The following SGCD variants were observed in gnomAD, a reference collection of about 807,000 sequenced individuals.
The protein encoded by SGCD is delta-sarcoglycan.
A neutral mutation model predicts 36.6 loss-of-function variants in SGCD; 18 were observed. That is an observed-to-expected ratio of 0.49 (90% CI 0.34 to 0.73). The LOEUF (loss-of-function observed/expected upper bound fraction) is 0.73. Among genes scored for constraint, SGCD ranks in the 30% least tolerant of loss-of-function variants. The pLI, the probability that SGCD is intolerant of heterozygous loss-of-function variation, is 0.01. For synonymous variants in SGCD, 133 were observed against 130.6 expected (o/e 1.02, Z -0.12); for missense variants, 387 against 346.7 (o/e 1.12, Z -0.92).
intron 4 of SGCD, among the ~76,000 whole-genome samples, chr5:156,527,422 T>C (rs1407138718): frequency 6.6e-6 from 1 of 152,194 alleles, no homozygotes; most frequent in East Asian, 1.9e-4. Flanking sequence ...GACAGTGTGT[T>C]GGATGTAACC....
chr5:156,342,575 C>A (rs1032113883), intron 2 of SGCD, among the ~76,000 whole-genome samples: 2 of 152,134 alleles, frequency 1.3e-5, no homozygotes, highest in African/African-American at 4.8e-5. Flanking sequence ...TTTATTTGAT[C>A]TTCATGTTTA....
At chr5:156,720,654 G>A (rs990743462) in intron 7 of SGCD, among the ~76,000 whole-genome samples, 2 of 152,212 alleles carry the variant, frequency 1.3e-5, no homozygotes, top group African/African-American at 4.8e-5. Flanking sequence ...TGAAATCAGG[G>A]TCATGAAGAA....
chr5:156,672,896 C>A (rs909723330), intron 7 of SGCD, among the ~76,000 whole-genome samples: 11 of 152,176 alleles, frequency 7.2e-5, no homozygotes, highest in African/African-American at 1.2e-4. Context: ...CTCGTCTCTA[C>A]ATTTTTCTAG....
At chr5:156,726,575 T>C (rs2113794616) in intron 7 of SGCD, among the ~76,000 whole-genome samples, 1 of 152,294 alleles carries the variant, frequency 6.6e-6, no homozygotes, top group South Asian at 2.1e-4. Flanking sequence ...TCTAATGGCC[T>C]ATTCACCCCT....
intron 1 of SGCD, among the ~76,000 whole-genome samples, chr5:156,088,688 A>G (rs889733627): frequency 3.3e-5 from 5 of 152,078 alleles, no homozygotes; most frequent in Non-Finnish European, 7.4e-5. Context: ...TATTATTATT[A>G]TCATTATTAT....
chr5:156,488,107 T>A (rs1013596018), intron 3 of SGCD, among the ~76,000 whole-genome samples: 7 of 140,782 alleles, frequency 5.0e-5, no homozygotes, highest in African/African-American at 1.9e-4. Context: ...GGTTTTTTTT[T>A]TTTTTTTTTT....
rs113614934 is a variant in SGCD at position 155,894,854 on chromosome 5, A to G, written c.-282+24430A>G. On this transcript the variant is annotated intron_variant, in intron 1 of 9. Transcript: ENST00000517913. Reference sequence around the variant, plus strand: ...TATAATTATTTCATTATATATTACAATGTAATAAATCATAGAAATAAAGTA... The same window carrying G: ...TATAATTATTTCATTATATATTACAGTGTAATAAATCATAGAAATAAAGTA... 1.2e-3 allele frequency among the ~76,000 whole-genome samples: 187 copies of G among 152,264 alleles called. 2 individuals are homozygous for G. The highest frequency in any genetic ancestry group is 4.3e-3 in the African/African-American group (179 of 41,554).
At chr5:156,140,512 T>A (rs1762554897) in intron 3 of SGCD, among the ~76,000 whole-genome samples, 2 of 152,212 alleles carry the variant, frequency 1.3e-5, no homozygotes, top group African/African-American at 4.8e-5. Context: ...GGCAAAGAAC[T>A]GGCCGAGATG....
At chr5:156,077,393 T>C (rs188198698) in intron 1 of SGCD, among the ~76,000 whole-genome samples, 129 of 152,226 alleles carry the variant, frequency 8.5e-4, no homozygotes, top group African/African-American at 3.0e-3. Flanking sequence ...GGAAGGACGA[T>C]TGAGCAACAA....
At chr5:156,537,429 C>A (rs1417977279) in intron 4 of SGCD, among the ~76,000 whole-genome samples, 1 of 147,152 alleles carries the variant, frequency 6.8e-6, no homozygotes, top group Non-Finnish European at 1.5e-5. Flanking sequence ...GAAGCCTGTT[C>A]TCACTGGGCT....
At chr5:156,307,805 C>T (rs1042270027) in intron 3 of SGCD, among the ~76,000 whole-genome samples, 1 of 151,620 alleles carries the variant, frequency 6.6e-6, no homozygotes, top group African/African-American at 2.4e-5. Context: ...CAGTTCTGCC[C>T]CCACTCTTTC....
chr5:156,400,087 C>A (rs1772062862), intron 3 of SGCD, among the ~76,000 whole-genome samples: 1 of 152,128 alleles, frequency 6.6e-6, no homozygotes, highest in Non-Finnish European at 1.5e-5. Flanking sequence ...GCAGGCCTTT[C>A]TGAACCACTC....
intron 3 of SGCD, among the ~76,000 whole-genome samples, chr5:156,194,192 A>T (rs1763965058): frequency 6.6e-6 from 1 of 152,144 alleles, no homozygotes; most frequent in Admixed American, 6.6e-5. Context: ...CCTGGGCAAC[A>T]TGGCAAAACC....
At chr5:156,079,034 A>AG (rs1446533869) in intron 1 of SGCD, among the ~76,000 whole-genome samples, 3 of 151,472 alleles carry the variant, frequency 2.0e-5, no homozygotes, top group African/African-American at 4.9e-5. Flanking sequence ...AAAAAAAAAA[A>AG]AAAGAAAAGT....
chr5:156,011,486 G>C (rs1758859710), intron 1 of SGCD, among the ~76,000 whole-genome samples: 1 of 151,922 alleles, frequency 6.6e-6, no homozygotes, highest in Non-Finnish European at 1.5e-5. Context: ...TGTTGCCCAG[G>C]CTGGAGGGCA....
intron 3 of SGCD, among the ~76,000 whole-genome samples, chr5:156,263,390 T>C (rs1561590176): frequency 6.6e-6 from 1 of 152,146 alleles, no homozygotes; most frequent in Admixed American, 6.6e-5. Flanking sequence ...TTGGCCATTG[T>C]ATATCTTCTT....
intron 1 of SGCD, among the ~76,000 whole-genome samples, chr5:155,897,377 A>C (rs1036650609): frequency 1.3e-5 from 2 of 152,250 alleles, no homozygotes; most frequent in African/African-American, 2.4e-5. Context: ...TGAGTGAGTT[A>C]GTGAGTGCTG....
At chr5:156,290,937 A>C (rs1281085277) in intron 3 of SGCD, among the ~76,000 whole-genome samples, 1 of 152,138 alleles carries the variant, frequency 6.6e-6, no homozygotes, top group East Asian at 1.9e-4. Flanking sequence ...GCTCTGTTGC[A>C]AACTATAGTC....
chr5:155,975,609 C>CCTTTTTTTTTTTTTTT lies in SGCD; in HGVS notation c.-282+105185_-282+105186insCTTTTTTTTTTTTTTT, dbSNP rs1758096365. Among the ~76,000 whole-genome samples, 4 of 28,026 alleles carry CCTTTTTTTTTTTTTTT rather than the reference C, an allele frequency of 1.4e-4. 1 individual carries two copies. The highest frequency in any genetic ancestry group is 5.2e-4 in the African/African-American group (4 of 7,622). The allele number at this position is 28,026 out of a possible 152,430, so 18.4% of individuals were successfully genotyped here. A position where few individuals can be genotyped will look rare whatever the true frequency, so the allele number is the denominator to read the frequency against. On this transcript the variant is annotated intron_variant, in intron 1 of 9. Coordinates refer to the SGCD transcript ENST00000517913. Reference sequence around the variant, plus strand: ...TGTGTTATTTATTTTTCTTTCTTTCCTTTTTTTTTTTTTTTTTTTTTTTTT... The same window carrying CCTTTTTTTTTTTTTTT: ...TGTGTTATTTATTTTTCTTTCTTTCCCTTTTTTTTTTTTTTTTTTTTTTTTTTTTTTTTTTTTTTTT...
Sources: gnomAD v4.1 joint callset for allele counts (sites outside exome capture counted in the v4.1 genomes callset) on GRCh38, gnomAD v4.1.1 for gene constraint, MANE v1.5 for transcripts, NCBI Gene and HGNC (gene_info 2026-07-23, HGNC 2026-07-21) for gene names.